Variants in CSNK1G1 observed in about 807,000 individuals in gnomAD.
CSNK1G1 encodes casein kinase 1 gamma 1.
Under a neutral mutation model 59.6 loss-of-function variants are expected in CSNK1G1, and 22 were observed. The ratio of observed to expected loss-of-function variants is 0.37; its 90% CI spans 0.26 to 0.53. The LOEUF is 0.53. CSNK1G1 is among the 20% of genes least tolerant of loss of function. The pLI, the probability that CSNK1G1 is intolerant of heterozygous loss-of-function variation, is 0.89. For missense variants in CSNK1G1, 384 were observed against 519.5 expected, an observed-to-expected ratio of 0.74 and a Z score of 2.54; for synonymous variants, 179 against 177.1, an observed-to-expected ratio of 1.01 and a Z score of -0.08.
intron 1 of CSNK1G1, among the ~76,000 whole-genome samples, chr15:64,303,440 C>A (rs527637317): frequency 6.6e-6 from 1 of 151,620 alleles, no homozygotes; most frequent in Non-Finnish European, 1.5e-5. Flanking sequence ...CATACGGAGA[C>A]CCCATGTCTA....
At position 64,166,319 on chromosome 15, in the gene CSNK1G1, TG is replaced by T. The variant is rs751453829; in HGVS notation, c.*5611del. ...TTGCTGAATCAACATTATTTTCCAT[TG>T]GGGGGTATATATTTTTGGTTTATCT... On this transcript the variant is annotated 3_prime_UTR_variant, in exon 12 of 12. Coordinates refer to ENST00000303052, the MANE Select transcript of CSNK1G1 (RefSeq NM_022048.5). The surrounding 1 kb of genome is among the most constrained non-coding windows in gnomAD (Gnocchi z 4.5). The T allele has an allele frequency of 9.0e-5, 26 of 289,976 alleles. No homozygotes were observed. Among genetic ancestry groups the T allele is most frequent in the Middle Eastern group, 9.6e-4 (1 of 1,044 alleles). The allele number at this position is 289,976 out of a possible 1,614,324, so 18.0% of individuals were successfully genotyped here. A position where few individuals can be genotyped will look rare whatever the true frequency, so the allele number is the denominator to read the frequency against.
rs1002217404 is a variant in CSNK1G1, at chr15:64,188,942, A to G, written c.1108-8488T>C. On this transcript the variant is annotated intron_variant, in intron 10 of 11. Coordinates refer to ENST00000303052, the MANE Select transcript of CSNK1G1 (RefSeq NM_022048.5). This position sits in a 1 kb window ranked among gnomAD's most constrained non-coding sequence, Gnocchi z 4.2. Reference sequence around the variant, plus strand: ...GGAGTTCGAGACCAGCCTGACCAACATGGTGAAAGCCTGTCTCTACTAAAA... The same window carrying G: ...GGAGTTCGAGACCAGCCTGACCAACGTGGTGAAAGCCTGTCTCTACTAAAA... Among the ~76,000 whole-genome samples, 2 of 152,172 alleles carry G rather than the reference A, an allele frequency of 1.3e-5. No individual in the cohort carries two copies. The highest frequency in any genetic ancestry group is 2.9e-5 in the Non-Finnish European group (2 of 68,034).
chr15:64,339,415 C>T (rs780050955), intron 1 of CSNK1G1, among the ~76,000 whole-genome samples: 3 of 152,168 alleles, frequency 2.0e-5, no homozygotes, highest in African/African-American at 7.2e-5. Context: ...CAGGTTCAAG[C>T]GATTCTCCTG....
chr15:64,331,720 T>C (rs1402262073), intron 1 of CSNK1G1, among the ~76,000 whole-genome samples: 2 of 139,292 alleles, frequency 1.4e-5, no homozygotes, highest in Non-Finnish European at 3.1e-5. Flanking sequence ...CAAAAGAAAC[T>C]ACCATCAGAG....
chr15:64,295,284 C>T (rs754671097), intron 2 of CSNK1G1, among the ~76,000 whole-genome samples: 1 of 152,242 alleles, frequency 6.6e-6, no homozygotes, highest in Middle Eastern at 3.4e-3. Context: ...TATTTATATA[C>T]ACTGCTCGAG....
chr15:64,296,820 T>C (rs1285558336), intron 2 of CSNK1G1, among the ~76,000 whole-genome samples: 2 of 150,702 alleles, frequency 1.3e-5, no homozygotes, highest in Admixed American at 1.3e-4. Context: ...GCCGAGATTG[T>C]GCCACTGCAC....
intron 1 of CSNK1G1, among the ~76,000 whole-genome samples, chr15:64,332,679 AAT>A (rs1491066003): frequency 5.5e-5 from 8 of 145,224 alleles, no homozygotes; most frequent in East Asian, 4.1e-4. Context: ...TATAATTAAA[AAT>A]AAAATAAAAT....
chr15:64,312,207 C>T (rs1205223594), intron 1 of CSNK1G1, among the ~76,000 whole-genome samples: 1 of 152,074 alleles, frequency 6.6e-6, no homozygotes, highest in Non-Finnish European at 1.5e-5. Flanking sequence ...CAATGCTATC[C>T]CCATCAAGCT....
At chr15:64,278,325 G>A (rs1360603851) in intron 2 of CSNK1G1, among the ~76,000 whole-genome samples, 1 of 151,594 alleles carries the variant, frequency 6.6e-6, no homozygotes, top group Non-Finnish European at 1.5e-5. Flanking sequence ...GGGATTGTAG[G>A]CGTGAGTCAC....
chr15:64,226,538 G>A (rs944259182), intron 4 of CSNK1G1, among the ~76,000 whole-genome samples: 5 of 149,316 alleles, frequency 3.3e-5, no homozygotes, highest in African/African-American at 1.3e-4. Context: ...CCCAGTGACA[G>A]AGCAAGATTC....
In CSNK1G1 at chr15:64,168,437, T is replaced by C. The variant is rs1204253288; in HGVS notation, c.*3494A>G. On this transcript the variant is annotated 3_prime_UTR_variant, in exon 12 of 12. Coordinates refer to ENST00000303052, the MANE Select transcript of CSNK1G1 (RefSeq NM_022048.5). Reference sequence around the variant, plus strand: ...AAGTGATACCCTGGTCAAAAGGGAGTAGGGGGGACCATTTATGCCTTGGTG... The same window carrying C: ...AAGTGATACCCTGGTCAAAAGGGAGCAGGGGGGACCATTTATGCCTTGGTG... 6.6e-6 allele frequency: 1 copy of C among 151,970 alleles called. No homozygotes were observed. Among genetic ancestry groups the C allele is most frequent in the Non-Finnish European group, 1.5e-5 (1 of 68,014 alleles). The allele number at this position is 151,970 out of a possible 1,614,324, so 9.4% of individuals were successfully genotyped here.
chr15:64,318,783 G>A (rs1046249337), intron 1 of CSNK1G1, among the ~76,000 whole-genome samples: 1 of 151,676 alleles, frequency 6.6e-6, no homozygotes, highest in Non-Finnish European at 1.5e-5. Flanking sequence ...GCTAATTTTT[G>A]TATTTTTAGT....
intron 10 of CSNK1G1, among the ~76,000 whole-genome samples, chr15:64,190,292 A>AGTT (rs1300602457): frequency 6.6e-6 from 1 of 152,198 alleles, no homozygotes; most frequent in Non-Finnish European, 1.5e-5. Context: ...TTATGCTGCT[A>AGTT]GTTATGTTAG....
intron 2 of CSNK1G1, among the ~76,000 whole-genome samples, chr15:64,298,970 G>A (rs535772741): frequency 8.5e-5 from 13 of 152,212 alleles, no homozygotes; most frequent in Admixed American, 4.6e-4. Flanking sequence ...AACCTGGGAA[G>A]AGGAGGTTGC....
rs555337462 is a variant in CSNK1G1, at chr15:64,216,978, A to G, written c.293-265T>C. ...GTGCCAAAAACATTTCCACTGCTAT[A>G]AGATAGAGAATGGTCCCTGATCCAT... On this transcript the variant is annotated intron_variant, in intron 4 of 11. Transcript: ENST00000303052. The surrounding 1 kb of genome is among the most constrained non-coding windows in gnomAD (Gnocchi z 4.6). Among the ~76,000 whole-genome samples, 1 of 152,356 alleles carries G rather than the reference A, an allele frequency of 6.6e-6. No individual in the cohort carries two copies. The highest frequency in any genetic ancestry group is 2.1e-4 in the South Asian group (1 of 4,830).
intron 1 of CSNK1G1, among the ~76,000 whole-genome samples, chr15:64,334,695 G>A (rs1897287991): frequency 6.6e-6 from 1 of 152,122 alleles, no homozygotes; most frequent in African/African-American, 2.4e-5. Flanking sequence ...ATCTAATGCT[G>A]CCATTGATCT....
chr15:64,334,854 T>C (rs191879991), intron 1 of CSNK1G1, among the ~76,000 whole-genome samples: 3 of 152,260 alleles, frequency 2.0e-5, no homozygotes, highest in Non-Finnish European at 4.4e-5. Context: ...ACTACTGGTC[T>C]GTGGCCCAGA....
chr15:64,326,337 T>C (rs1896832788), intron 1 of CSNK1G1, among the ~76,000 whole-genome samples: 1 of 152,144 alleles, frequency 6.6e-6, no homozygotes, highest in South Asian at 2.1e-4. Flanking sequence ...AAGAAAATAT[T>C]TTTAACATTT....
chr15:64,338,027 G>T (rs563574266), intron 1 of CSNK1G1, among the ~76,000 whole-genome samples: 1 of 152,272 alleles, frequency 6.6e-6, no homozygotes, highest in Admixed American at 6.5e-5. Context: ...CTGTCAACAG[G>T]CGCTTGGTTG....
Sources: allele counts gnomAD v4.1 joint callset (sites outside exome capture counted in the v4.1 genomes callset), GRCh38; gene constraint gnomAD v4.1.1; non-coding constraint Gnocchi (gnomAD v3.1); transcripts MANE v1.5; gene names NCBI Gene and HGNC (gene_info 2026-07-23, HGNC 2026-07-21).